Variants in CRTC3 observed in about 807,000 individuals in gnomAD.
The protein encoded by CRTC3 is CREB-regulated transcription coactivator 3.
Under a neutral mutation model 74.5 loss-of-function variants are expected in CRTC3, and 26 were observed. The observed-to-expected ratio is 0.35, with a 90% CI of 0.26 to 0.48. CRTC3 has a LOEUF of 0.48. Ranked by LOEUF, CRTC3 falls within the 20% of genes least tolerant of loss-of-function variation. The pLI is 0.99. For synonymous variants in CRTC3, 377 were observed against 325.8 expected, an observed-to-expected ratio of 1.16 and a Z score of -1.69; for missense variants, 760 against 787.3, an observed-to-expected ratio of 0.97 and a Z score of 0.41.
At chr15:90,627,860 C>CCT (rs75237361) in intron 10 of CRTC3, among the ~76,000 whole-genome samples, 2 of 145,326 alleles carry the variant, frequency 1.4e-5, no homozygotes, top group Non-Finnish European at 3.0e-5. Flanking sequence ...ATGATCCACC[C>CCT]GCCTCGGCCT....
At chr15:90,619,440 A>G (rs1255677407) in intron 8 of CRTC3, among the ~76,000 whole-genome samples, 1 of 152,224 alleles carries the variant, frequency 6.6e-6, no homozygotes, top group Non-Finnish European at 1.5e-5. Flanking sequence ...CTGGATGACA[A>G]GAGTGAAACT....
chr15:90,569,856 G>T (rs995661994), intron 2 of CRTC3, among the ~76,000 whole-genome samples: 1 of 152,230 alleles, frequency 6.6e-6, no homozygotes, highest in African/African-American at 2.4e-5. Flanking sequence ...AATATTATTT[G>T]ACAGATTCTA....
intron 2 of CRTC3, among the ~76,000 whole-genome samples, chr15:90,564,833 C>CA (rs1309939863): frequency 6.6e-6 from 1 of 152,174 alleles, no homozygotes; most frequent in African/African-American, 2.4e-5. Context: ...AGTATGGACT[C>CA]AAGAGTAAGG....
intron 3 of CRTC3, chr15:90,598,560 T>C (rs1014758637): frequency 2.9e-6 from 2 of 701,462 alleles, no homozygotes; most frequent in African/African-American, 3.5e-5. Context: ...CACACTGGGA[T>C]GACTCTGAGA....
intron 7 of CRTC3, among the ~76,000 whole-genome samples, chr15:90,615,481 T>C (rs28521237): frequency 0.013 from 1,953 of 152,368 alleles, 49 homozygotes; most frequent in African/African-American, 0.045. Context: ...CGCACAGCTC[T>C]CTGTCATCAT....
At chr15:90,605,202 C>G (rs1968185238) in intron 5 of CRTC3, among the ~76,000 whole-genome samples, 1 of 152,020 alleles carries the variant, frequency 6.6e-6, no homozygotes, top group Admixed American at 6.6e-5. Context: ...TGCAGTGAGC[C>G]ATGTTTGCGC....
rs144870423 is a variant in CRTC3, at chr15:90,608,230, C to T, written c.577+752C>T. Among the ~76,000 whole-genome samples, 413 of 152,276 alleles carry T rather than the reference C, an allele frequency of 2.7e-3. 1 individual carries two copies. The highest frequency in any genetic ancestry group is 8.4e-3 in the African/African-American group (349 of 41,562). Reference sequence around the variant, plus strand: ...CCATCTCACAGCTCTGCTTCCAGAGCGAACCCAAACCTGATCATCTTGCTC... The same window carrying T: ...CCATCTCACAGCTCTGCTTCCAGAGTGAACCCAAACCTGATCATCTTGCTC... On this transcript the variant is annotated intron_variant, in intron 6 of 14. Coordinates refer to ENST00000268184, the MANE Select transcript of CRTC3 (RefSeq NM_022769.5).
At chr15:90,576,570 T>C (rs1967408829) in intron 2 of CRTC3, among the ~76,000 whole-genome samples, 1 of 151,980 alleles carries the variant, frequency 6.6e-6, no homozygotes, top group Non-Finnish European at 1.5e-5. Context: ...GATGGAGTGA[T>C]ATGACAGAGC....
chr15:90,579,919 G>A (rs1384228532), intron 2 of CRTC3, among the ~76,000 whole-genome samples: 1 of 152,060 alleles, frequency 6.6e-6, no homozygotes, highest in Admixed American at 6.6e-5. Flanking sequence ...TGGGATTACA[G>A]GCATGAGCCA....
chr15:90,544,153 A>T (rs544972372), intron 2 of CRTC3, among the ~76,000 whole-genome samples: 7 of 152,184 alleles, frequency 4.6e-5, no homozygotes, highest in Non-Finnish European at 8.8e-5. Context: ...TCTGGGGAAG[A>T]ATCCCTCCTT....
At chr15:90,555,298 CTT>C (rs753276947) in intron 2 of CRTC3, among the ~76,000 whole-genome samples, 1 of 152,130 alleles carries the variant, frequency 6.6e-6, no homozygotes, top group Non-Finnish European at 1.5e-5. Context: ...ATTAAAATCA[CTT>C]TTTATTATAT....
At chr15:90,637,392 C>T (rs963367333) in intron 11 of CRTC3, among the ~76,000 whole-genome samples, 34 of 151,974 alleles carry the variant, frequency 2.2e-4, no homozygotes, top group African/African-American at 7.5e-4. Context: ...CATCACACAC[C>T]GGGGCCTGTT....
At chr15:90,602,277 C>T (rs370795243) in intron 3 of CRTC3, 47 bp from the exon 4 acceptor site, 53 of 1,166,278 alleles carry the variant, frequency 4.5e-5, no homozygotes, top group Non-Finnish European at 6.4e-5. Flanking sequence ...GTTAATTCTG[C>T]TTCATCTTTC....
At chr15:90,545,400 ATT>A (rs35381855) in intron 2 of CRTC3, among the ~76,000 whole-genome samples, 5 of 137,996 alleles carry the variant, frequency 3.6e-5, no homozygotes, top group East Asian at 2.1e-4. Context: ...TGTGGTTTTA[ATT>A]TTTTTTTTTT....
intron 2 of CRTC3, among the ~76,000 whole-genome samples, chr15:90,576,619 C>T (rs760194503): frequency 6.6e-6 from 1 of 152,002 alleles, no homozygotes; most frequent in Non-Finnish European, 1.5e-5. Flanking sequence ...TCAGGAAGTT[C>T]AGGAGTGTGC....
chr15:90,554,449 C>T (rs1490843287), intron 2 of CRTC3, among the ~76,000 whole-genome samples: 2 of 152,136 alleles, frequency 1.3e-5, no homozygotes, highest in African/African-American at 2.4e-5. Flanking sequence ...GTAATCCTCC[C>T]GCCTCGGCCT....
At chr15:90,633,707 T>C in intron 11 of CRTC3, among the ~76,000 whole-genome samples, 1 of 152,134 alleles carries the variant, frequency 6.6e-6, no homozygotes, top group East Asian at 1.9e-4. Context: ...TTCTCTGTTC[T>C]TTCTCTCTGG....
At chr15:90,554,262 G>A (rs1966871694) in intron 2 of CRTC3, among the ~76,000 whole-genome samples, 1 of 150,806 alleles carries the variant, frequency 6.6e-6, no homozygotes, top group Non-Finnish European at 1.5e-5. Context: ...GGAGTGCAGT[G>A]GCGTGATCTT....
chr15:90,553,200 T>A (rs929007377), intron 2 of CRTC3, among the ~76,000 whole-genome samples: 1 of 152,242 alleles, frequency 6.6e-6, no homozygotes. Flanking sequence ...TTGTCTGAAT[T>A]CTTTTTAAGA....
Sources: gnomAD v4.1 joint callset for allele counts (sites outside exome capture counted in the v4.1 genomes callset) on GRCh38, gnomAD v4.1.1 for gene constraint, MANE v1.5 for transcripts, NCBI Gene and HGNC (gene_info 2026-07-23, HGNC 2026-07-21) for gene names.